The following FGF14 variants were observed in gnomAD, a reference collection of about 807,000 sequenced individuals.
FGF14 encodes fibroblast growth factor homologous factor 4.
Under a neutral mutation model 25.5 loss-of-function variants are expected in FGF14, and 5 were observed. The ratio of observed to expected loss-of-function variants is 0.20; its 90% CI spans 0.10 to 0.41. FGF14 has a LOEUF of 0.41. Ranked by LOEUF, FGF14 falls within the 10% of genes least tolerant of loss-of-function variation. The pLI, the probability that FGF14 is intolerant of heterozygous loss-of-function variation, is 1.00. For synonymous variants in FGF14, 138 were observed against 118.3 expected (o/e 1.17, Z -1.08); for missense variants, 222 against 320.1 (o/e 0.69, Z 2.34).
In FGF14 at chr13:102,275,262, T is replaced by TCTCTCTCTCTCTCTCTCTCTCTCTC. The variant is rs1555391875; in HGVS notation, c.208+126208_208+126209insGAGAGAGAGAGAGAGAGAGAGAGAG. 8.7e-5 allele frequency among the ~76,000 whole-genome samples: 6 copies of TCTCTCTCTCTCTCTCTCTCTCTCTC among 68,988 alleles called. 1 individual carries two copies. Among genetic ancestry groups the TCTCTCTCTCTCTCTCTCTCTCTCTC allele is most frequent in the African/African-American group, 1.0e-4 (2 of 19,894 alleles). The allele number at this position is 68,988 out of a possible 152,430, so 45.3% of individuals were successfully genotyped here. A position where few individuals can be genotyped will look rare whatever the true frequency, so the allele number is the denominator to read the frequency against. On this transcript the variant is annotated intron_variant, in intron 1 of 4. Transcript: ENST00000376131. Reference sequence around the variant, plus strand: ...TCTCTCTCTCTCTCTCTCTCTCTCTTTCTCTCTCTCTCTCTCTCTCTCTCT... The same window carrying TCTCTCTCTCTCTCTCTCTCTCTCTC: ...TCTCTCTCTCTCTCTCTCTCTCTCTTCTCTCTCTCTCTCTCTCTCTCTCTCTCTCTCTCTCTCTCTCTCTCTCTCT...
At chr13:101,860,560 T>G (rs2044362082) in intron 3 of FGF14, among the ~76,000 whole-genome samples, 2 of 152,076 alleles carry the variant, frequency 1.3e-5, no homozygotes, top group Non-Finnish European at 2.9e-5. Flanking sequence ...GCCTGGGATA[T>G]ATATTCAAAA....
At chr13:101,963,831 A>T (rs1164125258) in intron 1 of FGF14, among the ~76,000 whole-genome samples, 3 of 152,216 alleles carry the variant, frequency 2.0e-5, no homozygotes, top group African/African-American at 7.2e-5. Flanking sequence ...CAGTTGTAGA[A>T]AATTTGAGAT....
chr13:101,810,535 G>C (rs2041447343), intron 3 of FGF14, among the ~76,000 whole-genome samples: 1 of 152,102 alleles, frequency 6.6e-6, no homozygotes, highest in South Asian at 2.1e-4. Flanking sequence ...ATGCTTCTTA[G>C]AGATCTCCTG....
intron 1 of FGF14, among the ~76,000 whole-genome samples, chr13:101,943,599 G>C (rs573817487): frequency 6.6e-6 from 1 of 152,190 alleles, no homozygotes; most frequent in South Asian, 2.1e-4. Flanking sequence ...AGCTGGGTTT[G>C]AACCCCGACT....
chr13:102,039,255 T>C (rs1243085770), intron 1 of FGF14, among the ~76,000 whole-genome samples: 4 of 152,210 alleles, frequency 2.6e-5, no homozygotes, highest in Non-Finnish European at 5.9e-5. Flanking sequence ...TGTTTCAAGA[T>C]AACTTTCTTT....
intron 1 of FGF14, among the ~76,000 whole-genome samples, chr13:102,280,081 G>A (rs773193756): frequency 6.6e-5 from 10 of 152,116 alleles, no homozygotes; most frequent in Non-Finnish European, 1.2e-4. Context: ...AGTATAATGT[G>A]GATGCAGTGC....
At chr13:101,820,356 A>G (rs2042051414) in intron 3 of FGF14, among the ~76,000 whole-genome samples, 1 of 152,210 alleles carries the variant, frequency 6.6e-6, no homozygotes, top group Non-Finnish European at 1.5e-5. Flanking sequence ...TGCAATTAAG[A>G]ATCATGGAAA....
intron 1 of FGF14, among the ~76,000 whole-genome samples, chr13:102,006,218 T>G (rs2039776080): frequency 6.6e-6 from 1 of 152,328 alleles, no homozygotes; most frequent in Admixed American, 6.5e-5. Flanking sequence ...TATTTGCAAC[T>G]TCATGTAAAT....
intron 3 of FGF14, among the ~76,000 whole-genome samples, chr13:101,852,644 T>TCAGGA (rs1205909856): frequency 2.0e-5 from 3 of 151,946 alleles, no homozygotes; most frequent in Non-Finnish European, 4.4e-5. Context: ...GGACAGAAAA[T>TCAGGA]CAGGACTCAG....
intron 1 of FGF14, among the ~76,000 whole-genome samples, chr13:101,952,743 C>G (rs2139401293): frequency 6.6e-6 from 1 of 152,192 alleles, no homozygotes; most frequent in South Asian, 2.1e-4. Context: ...TAAAAAATGT[C>G]TTGGAGGTCA....
chr13:102,026,257 C>T (rs9585832), intron 1 of FGF14, among the ~76,000 whole-genome samples: 16,055 of 151,830 alleles, frequency 0.11, 2,076 homozygotes, highest in African/African-American at 0.31. Flanking sequence ...AATGTATGTA[C>T]GTAACAACAA....
intron 1 of FGF14, among the ~76,000 whole-genome samples, chr13:101,878,762 C>T (rs1016011901): frequency 6.6e-6 from 1 of 151,946 alleles, no homozygotes; most frequent in Non-Finnish European, 1.5e-5. Context: ...AAAAATGAAA[C>T]TTCATCCTAA....
chr13:102,018,204 A>T (rs562951227), intron 1 of FGF14, among the ~76,000 whole-genome samples: 1 of 152,170 alleles, frequency 6.6e-6, no homozygotes, highest in African/African-American at 2.4e-5. Flanking sequence ...CCAAACATAA[A>T]GTTAGACAGG....
intron 1 of FGF14, among the ~76,000 whole-genome samples, chr13:102,081,731 A>C (rs916275530): frequency 2.6e-5 from 4 of 152,190 alleles, no homozygotes; most frequent in Non-Finnish European, 4.4e-5. Context: ...TTTGTCCTCC[A>C]TGTAGAACTA....
At chr13:102,179,942 A>G (rs1041909770) in intron 1 of FGF14, among the ~76,000 whole-genome samples, 2 of 152,118 alleles carry the variant, frequency 1.3e-5, no homozygotes, top group African/African-American at 4.8e-5. Context: ...GAGAAATTCA[A>G]TCATACCTAT....
chr13:102,054,409 G>A (rs184645204), intron 1 of FGF14, among the ~76,000 whole-genome samples: 2 of 152,250 alleles, frequency 1.3e-5, no homozygotes, highest in African/African-American at 4.8e-5. Flanking sequence ...GTAATGTGAG[G>A]AAGATAGTCC....
At chr13:101,943,140 T>C (rs996019891) in intron 1 of FGF14, among the ~76,000 whole-genome samples, 1 of 152,198 alleles carries the variant, frequency 6.6e-6, no homozygotes, top group Non-Finnish European at 1.5e-5. Flanking sequence ...GGATAACAAC[T>C]AGTAAATGTA....
chr13:102,284,572 C>G (rs2054002741), intron 1 of FGF14, among the ~76,000 whole-genome samples: 1 of 151,846 alleles, frequency 6.6e-6, no homozygotes, highest in African/African-American at 2.4e-5. Flanking sequence ...TTTTTTTACT[C>G]TAAAATTTTA....
chr13:102,390,137 G>A (rs1280136692), intron 1 of FGF14, among the ~76,000 whole-genome samples: 4 of 152,184 alleles, frequency 2.6e-5, no homozygotes, highest in Non-Finnish European at 5.9e-5. Context: ...TTCTACTATA[G>A]GTCAAACTAA....
Sources: gnomAD v4.1 joint callset for allele counts (sites outside exome capture counted in the v4.1 genomes callset) on GRCh38, gnomAD v4.1.1 for gene constraint, MANE v1.5 for transcripts, NCBI Gene and HGNC (gene_info 2026-07-23, HGNC 2026-07-21) for gene names.